ADGRA3: variants seen among roughly 807,000 people sequenced by gnomAD.
ADGRA3 encodes the protein adhesion G protein-coupled receptor A3, also known as G-protein coupled receptor 125.
In ADGRA3, 56 loss-of-function variants were observed where a neutral mutation model predicts 119.8. The ratio of observed to expected loss-of-function variants is 0.47; its 90% CI spans 0.38 to 0.58. The LOEUF is 0.58. ADGRA3 is among the 20% of genes least tolerant of loss of function. The probability of loss-of-function intolerance (pLI) is 0.00; values close to 1 mark genes in which losing one functional copy is unlikely to be tolerated. For synonymous variants in ADGRA3, 607 were observed against 623.8 expected (o/e 0.97, Z 0.40); for missense variants, 1,516 against 1,649.0 (o/e 0.92, Z 1.40).
Position 22,445,136 on chromosome 4 carries a change from G to A in ADGRA3, c.546-3C>T. 2 of 1,612,948 alleles carry A rather than the reference G, an allele frequency of 1.2e-6. No homozygotes were observed. The highest frequency in any genetic ancestry group is 1.7e-4 in the Middle Eastern group (1 of 6,058). ...AAAGATACTCAGTCTGGAATTCCCTGTAACATGCAAATACAACTTAGAGAT... is the reference window on the plus strand; with the variant it reads ...AAAGATACTCAGTCTGGAATTCCCTATAACATGCAAATACAACTTAGAGAT... On this transcript the variant is annotated splice_polypyrimidine_tract_variant and splice_region_variant and intron_variant, in intron 5 of 18. Transcript: ENST00000334304.
At chr4:22,414,416 A>G (rs1715349155) in intron 12 of ADGRA3, 1 of 466,280 alleles carries the variant, frequency 2.1e-6, no homozygotes, top group African/African-American at 2.0e-5. Flanking sequence ...TGATCACTGA[A>G]TTTTTTCAGA....
intron 10 of ADGRA3, among the ~76,000 whole-genome samples, chr4:22,431,109 G>A (rs2109053182): frequency 6.6e-6 from 1 of 152,298 alleles, no homozygotes; most frequent in South Asian, 2.1e-4. Context: ...GGCTCTCATG[G>A]AGAACCTCAG....
At chr4:22,429,464 T>C (rs1716071487) in intron 10 of ADGRA3, among the ~76,000 whole-genome samples, 1 of 152,156 alleles carries the variant, frequency 6.6e-6, no homozygotes, top group Non-Finnish European at 1.5e-5. Context: ...GAGGTATGTT[T>C]TGACTTCCAC....
chr4:22,463,883 C>A (rs1180952266), intron 2 of ADGRA3, among the ~76,000 whole-genome samples: 1 of 152,186 alleles, frequency 6.6e-6, no homozygotes, highest in Non-Finnish European at 1.5e-5. Flanking sequence ...TGCTGTTTAA[C>A]ACCTGGTGAT....
Position 22,388,968 on chromosome 4 carries a change from C to A in ADGRA3, c.2724-21G>T, listed in dbSNP as rs201204083. 8.9e-5 allele frequency: 143 copies of A among 1,611,152 alleles called. No homozygotes were observed. The East Asian group carries it at 3.1e-3, about 35-fold the overall frequency. On this transcript the variant is annotated intron_variant, in intron 18 of 18. Transcript: ENST00000334304. ...AGCAACTGGAAAAGAAAATGGTAAACCAGATCGATGCTACATGTTTCAACA... is the reference window on the plus strand; with the variant it reads ...AGCAACTGGAAAAGAAAATGGTAAAACAGATCGATGCTACATGTTTCAACA...
At chr4:22,424,891 G>A (rs1351241796) in intron 10 of ADGRA3, among the ~76,000 whole-genome samples, 3 of 152,078 alleles carry the variant, frequency 2.0e-5, no homozygotes, top group African/African-American at 7.2e-5. Context: ...AACCAACATG[G>A]TGAAACCCCA....
intron 4 of ADGRA3, among the ~76,000 whole-genome samples, chr4:22,450,728 AT>A (rs1717005081): frequency 6.6e-6 from 1 of 152,118 alleles, no homozygotes; most frequent in Admixed American, 6.5e-5. Context: ...ATGCAATTAA[AT>A]GCAATCTCCA....
At chr4:22,439,375 T>C (rs552960114) in intron 7 of ADGRA3, among the ~76,000 whole-genome samples, 1 of 152,202 alleles carries the variant, frequency 6.6e-6, no homozygotes. Context: ...ATAAAACCTA[T>C]TAATTAAGGA....
In ADGRA3 at chr4:22,421,057, G is replaced by A. The variant is rs772512427; in HGVS notation, c.1638C>T (p.Val546=). The A allele has an allele frequency of 6.4e-5, 104 of 1,613,834 alleles. No homozygotes were observed. In the Middle Eastern group the frequency reaches 2.1e-3, roughly 33 times the overall value. The change falls in exon 12 of 19, where the codon GTC becomes GTT. Residue 546 remains valine, a synonymous_variant. Coordinates refer to ENST00000334304, the MANE Select transcript of ADGRA3 (RefSeq NM_145290.4). ...TCCCCGTGAAGCCAGTAGACTTGAT[G>A]ACATAAGCTTCCAGAGCAATATTGG... ...YSPNIALEAY[V]IKSTGFTGMT... is the part of the protein sequence containing the mutation.
chr4:22,507,011 G>A (rs1392622546), intron 1 of ADGRA3, among the ~76,000 whole-genome samples: 2 of 152,066 alleles, frequency 1.3e-5, no homozygotes, highest in South Asian at 4.2e-4. Flanking sequence ...GTCAAGGCGG[G>A]CGGATCACGA....
intron 16 of ADGRA3, chr4:22,392,939 A>G: frequency 2.5e-6 from 1 of 396,612 alleles, no homozygotes; most frequent in South Asian, 4.8e-5. Context: ...ACCAAAGACG[A>G]CCCTTAATAC....
intron 2 of ADGRA3, among the ~76,000 whole-genome samples, chr4:22,469,141 C>T (rs1717769157): frequency 6.6e-6 from 1 of 152,116 alleles, no homozygotes; most frequent in Admixed American, 6.6e-5. Flanking sequence ...CCCTCACCTC[C>T]CTCTGTTCTG....
rs76206903 is a variant in ADGRA3 at position 22,420,000 on chromosome 4, T to C, written c.1809+886A>G. ...AATTTAGCCAATTGGCTCTCTTTAA[T>C]GGTGGTCACCAAGAAAAAGTATACA... On this transcript the variant is annotated intron_variant, in intron 12 of 18. Transcript: ENST00000334304. 3.9e-5 allele frequency: 6 copies of C among 152,770 alleles called. No homozygotes were observed. The East Asian group carries it at 1.2e-3, about 29-fold the overall frequency. The allele number at this position is 152,770 out of a possible 1,614,324, so 9.5% of individuals were successfully genotyped here.
intron 14 of ADGRA3, among the ~76,000 whole-genome samples, chr4:22,412,004 G>T (rs1715225721): frequency 6.6e-6 from 1 of 151,736 alleles, no homozygotes; most frequent in African/African-American, 2.4e-5. Flanking sequence ...TATAATTCAG[G>T]TTTACTTCAA....
chr4:22,460,369 T>C (rs918647434), intron 3 of ADGRA3, among the ~76,000 whole-genome samples: 3 of 152,176 alleles, frequency 2.0e-5, no homozygotes, highest in Admixed American at 6.5e-5. Flanking sequence ...CTACCCTATC[T>C]GACTAAAAGC....
rs770283510 is a variant in ADGRA3, at chr4:22,413,365, G to A, written c.2049C>T (p.His683=). ...KIDGVNVDTH[H]IPVNVTLRRI... ...GACGCAGTGTCACATTAACAGGGAT[G>A]TGGTGGGTATCTACATTCACACCAT... Residue 683 remains histidine, a synonymous_variant, in exon 14 of 19, where the codon CAC becomes CAT. Coordinates refer to ENST00000334304, the MANE Select transcript of ADGRA3 (RefSeq NM_145290.4). The A allele has an allele frequency of 6.2e-7, 1 of 1,613,880 alleles. No individual in the cohort carries two copies. The highest frequency in any genetic ancestry group is 1.1e-5 in the South Asian group (1 of 91,076).
intron 2 of ADGRA3, among the ~76,000 whole-genome samples, chr4:22,464,342 G>T (rs535488689): frequency 7.9e-5 from 12 of 152,212 alleles, no homozygotes; most frequent in Non-Finnish European, 1.8e-4. Flanking sequence ...TATCTGAAAA[G>T]ATCTGAAAAA....
At chr4:22,392,342 T>A (rs191478449) in intron 17 of ADGRA3, among the ~76,000 whole-genome samples, 2 of 152,232 alleles carry the variant, frequency 1.3e-5, no homozygotes, top group Admixed American at 1.3e-4. Context: ...TTTGAGATGA[T>A]CTTGGAAGGC....
chr4:22,431,695 A>C (rs1340814145), intron 10 of ADGRA3, among the ~76,000 whole-genome samples: 1 of 151,630 alleles, frequency 6.6e-6, no homozygotes. Context: ...AGTCAATTAA[A>C]CCTCTTTCCT....
Sources: allele counts gnomAD v4.1 joint callset (sites outside exome capture counted in the v4.1 genomes callset), GRCh38; gene constraint gnomAD v4.1.1; transcripts MANE v1.5; gene names NCBI Gene and HGNC (gene_info 2026-07-23, HGNC 2026-07-21).